The following TMEM132B variants were observed in gnomAD, a reference collection of about 807,000 sequenced individuals.
TMEM132B encodes transmembrane protein 132B.
TMEM132B carries 18 observed loss-of-function variants against 90.8 expected under a neutral mutation model. The ratio of observed to expected loss-of-function variants is 0.20; its 90% CI spans 0.14 to 0.29. TMEM132B has a LOEUF of 0.29. Ranked by LOEUF, TMEM132B falls within the 10% of genes least tolerant of loss-of-function variation. The pLI is 1.00. For missense variants in TMEM132B, 1,096 were observed against 1,326.8 expected (o/e 0.83, Z 2.70); for synonymous variants, 504 against 523.3 (o/e 0.96, Z 0.50).
chr12:125,412,499 G>A (rs1347822127), intron 2 of TMEM132B, among the ~76,000 whole-genome samples: 1 of 152,208 alleles, frequency 6.6e-6, no homozygotes, highest in Non-Finnish European at 1.5e-5. Context: ...GGTTTGGAGT[G>A]AGGGGATCTG....
At chr12:125,541,949 CG>C (rs1434576387) in intron 4 of TMEM132B, among the ~76,000 whole-genome samples, 1 of 143,656 alleles carries the variant, frequency 7.0e-6, no homozygotes, top group Non-Finnish European at 1.5e-5. Flanking sequence ...GGCGTGAACC[CG>C]GTAGGCGGAG....
chr12:125,288,078 T>G (rs1202585372), intron 1 of TMEM132B, among the ~76,000 whole-genome samples: 1 of 150,356 alleles, frequency 6.7e-6, no homozygotes, highest in Non-Finnish European at 1.5e-5. Flanking sequence ...TTCACCATGT[T>G]GGCCAGGCTG....
At position 125,658,706 on chromosome 12, in the gene TMEM132B, T is replaced by A. The variant is rs1887133709; in HGVS notation, c.*3996T>A. 1 of 152,236 alleles carries A rather than the reference T, an allele frequency of 6.6e-6. No homozygotes were observed. Among genetic ancestry groups the A allele is most frequent in the Non-Finnish European group, 1.5e-5 (1 of 68,042 alleles). 9.4% of individuals were successfully genotyped at this position (152,236 alleles called of 1,614,324 possible). ...CAATATAATGAAACACCGAGTTTTTTAAAGTGAAAGCATGCAAAATCGTAG... is the reference window on the plus strand; with the variant it reads ...CAATATAATGAAACACCGAGTTTTTAAAAGTGAAAGCATGCAAAATCGTAG... On this transcript the variant is annotated 3_prime_UTR_variant, in exon 9 of 9. Coordinates refer to ENST00000682704, the MANE Select transcript of TMEM132B (RefSeq NM_001366854.1).
At chr12:125,455,297 C>A (rs1227739253) in intron 3 of TMEM132B, among the ~76,000 whole-genome samples, 1 of 152,222 alleles carries the variant, frequency 6.6e-6, no homozygotes, top group East Asian at 1.9e-4. Context: ...ATCTTGGGAA[C>A]CGAGGGGCTT....
Position 125,500,922 on chromosome 12 carries a change from C to T in TMEM132B, c.1107-18517C>T, listed in dbSNP as rs74698132. ...TTTGATGTACAAGTAGAGAGAGAGT[C>T]GTATAGTAATTGGGAGGGCCTAAGG... On this transcript the variant is annotated intron_variant, in intron 3 of 8. Transcript: ENST00000682704. 2.3e-3 allele frequency among the ~76,000 whole-genome samples: 353 copies of T among 152,100 alleles called. 1 individual carries two copies. The highest frequency in any genetic ancestry group is 4.4e-3 in the Non-Finnish European group (298 of 67,986).
intron 4 of TMEM132B, among the ~76,000 whole-genome samples, chr12:125,574,188 CAG>C (rs1178430029): frequency 6.6e-6 from 1 of 150,846 alleles, no homozygotes; most frequent in Non-Finnish European, 1.5e-5. Context: ...TTAAATCAAT[CAG>C]AGATTCCTTA....
At chr12:125,221,957 G>A (rs950797073) in intron 1 of TMEM132B, among the ~76,000 whole-genome samples, 1 of 152,202 alleles carries the variant, frequency 6.6e-6, no homozygotes, top group African/African-American at 2.4e-5. Flanking sequence ...TGCTCATGGA[G>A]CGGTTGTGGA....
intron 1 of TMEM132B, among the ~76,000 whole-genome samples, chr12:125,318,248 G>C (rs4765247): frequency 0.12 from 18,391 of 151,714 alleles, 1,525 homozygotes; most frequent in Non-Finnish European, 0.17. Flanking sequence ...CTGGGGTCAG[G>C]AGGGAACTGT....
intron 4 of TMEM132B, among the ~76,000 whole-genome samples, chr12:125,541,724 A>C (rs904753479): frequency 6.6e-6 from 1 of 151,908 alleles, no homozygotes; most frequent in African/African-American, 2.4e-5. Flanking sequence ...GAGTCCACCG[A>C]GACCTGGTGT....
At position 125,648,474 on chromosome 12, in the gene TMEM132B, A is replaced by G. The variant is rs1330504771; in HGVS notation, c.1644-2209A>G. On this transcript the variant is annotated intron_variant, in intron 6 of 8. Coordinates refer to ENST00000682704, the MANE Select transcript of TMEM132B (RefSeq NM_001366854.1). ...AATTTCCTGGTTTTGATATTTTCCTATAGTTAGGAAGATGCTAACTTCAGG... is the reference window on the plus strand; with the variant it reads ...AATTTCCTGGTTTTGATATTTTCCTGTAGTTAGGAAGATGCTAACTTCAGG... Among the ~76,000 whole-genome samples, 4 of 150,426 alleles carry G rather than the reference A, an allele frequency of 2.7e-5. No individual in the cohort carries two copies. The South Asian group carries it at 8.3e-4, about 31-fold the overall frequency.
chr12:125,344,328 TG>T (rs1410178000), intron 1 of TMEM132B, among the ~76,000 whole-genome samples: 1 of 152,000 alleles, frequency 6.6e-6, no homozygotes, highest in Non-Finnish European at 1.5e-5. Flanking sequence ...GAAACCAAAT[TG>T]GGGATGATAA....
At chr12:125,496,599 C>A (rs1041813669) in intron 3 of TMEM132B, among the ~76,000 whole-genome samples, 1 of 152,088 alleles carries the variant, frequency 6.6e-6, no homozygotes, top group African/African-American at 2.4e-5. Flanking sequence ...ATGGGGGCAA[C>A]CCAGGAGGCA....
rs187762532 is a variant in TMEM132B, at chr12:125,344,525, T to C, written c.68-4927T>C. On this transcript the variant is annotated intron_variant, in intron 1 of 8. Transcript: ENST00000682704. ...CCATGGTGGGGGTTTTATATGGGGT[T>C]AGAACCACAGAGGAGATGCAGTTTC... Among the ~76,000 whole-genome samples, 448 of 152,220 alleles carry C rather than the reference T, an allele frequency of 2.9e-3. 7 individuals carry two copies. The highest frequency in any genetic ancestry group is 1.2e-3 in the Non-Finnish European group (79 of 67,998).
intron 1 of TMEM132B, among the ~76,000 whole-genome samples, chr12:125,305,750 A>C (rs575616929): frequency 1.6e-4 from 24 of 152,270 alleles, no homozygotes; most frequent in African/African-American, 5.5e-4. Flanking sequence ...TCTAAGTTTA[A>C]AAGACAAGGA....
intron 4 of TMEM132B, among the ~76,000 whole-genome samples, chr12:125,581,109 A>G (rs1385079609): frequency 2.6e-5 from 4 of 152,206 alleles, no homozygotes; most frequent in South Asian, 2.1e-4. Flanking sequence ...TAATAGAATC[A>G]TAAGTTTGCA....
chr12:125,571,178 G>A (rs543799619), intron 4 of TMEM132B, among the ~76,000 whole-genome samples: 9 of 152,262 alleles, frequency 5.9e-5, no homozygotes, highest in Admixed American at 2.0e-4. Context: ...AGCCGGGATC[G>A]GGGACTCTGG....
intron 5 of TMEM132B, among the ~76,000 whole-genome samples, chr12:125,593,231 A>T (rs536303182): frequency 3.9e-5 from 6 of 152,196 alleles, no homozygotes; most frequent in African/African-American, 1.4e-4. Context: ...GATGTGTCAT[A>T]TATTTCCTGT....
chr12:125,205,629 C>G (rs78559785), intron 1 of TMEM132B, among the ~76,000 whole-genome samples: 1,874 of 152,326 alleles, frequency 0.012, 19 homozygotes, highest in Middle Eastern at 0.027. Flanking sequence ...GCGGGCATGG[C>G]CGGGGCTGCT....
In TMEM132B at chr12:125,349,368, G is replaced by C. The variant is rs560154796; in HGVS notation, c.68-84G>C. ...ACAGTGGCCAGTGGGCGGTTTGTTG[G>C]GGAGGTGGGTGGAGACTGCACTGCA... On this transcript the variant is annotated intron_variant, in intron 1 of 8. Transcript: ENST00000682704. This position sits in a 1 kb window ranked among gnomAD's most constrained non-coding sequence, Gnocchi z 4.1. 1.4e-6 allele frequency: 2 copies of C among 1,472,794 alleles called. No individual in the cohort carries two copies. Among genetic ancestry groups the C allele is most frequent in the Non-Finnish European group, 1.8e-6 (2 of 1,096,670 alleles). The allele number at this position is 1,472,794 out of a possible 1,614,324, so 91.2% of individuals were successfully genotyped here.
Sources: allele counts gnomAD v4.1 joint callset (sites outside exome capture counted in the v4.1 genomes callset), GRCh38; gene constraint gnomAD v4.1.1; non-coding constraint Gnocchi (gnomAD v3.1); transcripts MANE v1.5; gene names NCBI Gene and HGNC (gene_info 2026-07-23, HGNC 2026-07-21).